The following USP43 variants were observed in gnomAD, a reference collection of about 807,000 sequenced individuals.
The protein encoded by USP43 is ubiquitin specific peptidase 43.
Under a neutral mutation model 90.7 loss-of-function variants are expected in USP43, and 33 were observed. The ratio of observed to expected loss-of-function variants is 0.36; its 90% confidence interval spans 0.28 to 0.49. USP43 has a LOEUF of 0.49. USP43 is among the 20% of genes least tolerant of loss of function. The probability of loss-of-function intolerance (pLI) is 0.98; values close to 1 mark genes in which losing one functional copy is unlikely to be tolerated. For missense variants in USP43, 1,274 were observed against 1,476.4 expected (o/e 0.86, Z 2.25); for synonymous variants, 598 against 615.8 (o/e 0.97, Z 0.43).
chr17:9,675,792 A>T (rs1453654283), intron 4 of USP43, among the ~76,000 whole-genome samples: 1 of 152,192 alleles, frequency 6.6e-6, no homozygotes, highest in Non-Finnish European at 1.5e-5. Context: ...CTACTGGCTT[A>T]TGCTATAACA....
At chr17:9,667,092 G>T (rs2151968382) in intron 3 of USP43, among the ~76,000 whole-genome samples, 1 of 152,304 alleles carries the variant, frequency 6.6e-6, no homozygotes, top group South Asian at 2.1e-4. Context: ...TCTCTCTCCA[G>T]AGAGCCCAAC....
At chr17:9,673,125 T>C (rs1224641422) in intron 3 of USP43, among the ~76,000 whole-genome samples, 3 of 152,210 alleles carry the variant, frequency 2.0e-5, no homozygotes, top group African/African-American at 4.8e-5. Flanking sequence ...ATTAGTAACA[T>C]AGCATGCAGA....
At chr17:9,678,197 G>T (rs1913914394) in intron 5 of USP43, among the ~76,000 whole-genome samples, 2 of 152,142 alleles carry the variant, frequency 1.3e-5, no homozygotes, top group South Asian at 2.1e-4. Flanking sequence ...TGATGTGTTG[G>T]TTCAGGGAGA....
At chr17:9,649,345 G>C (rs1212118807) in intron 1 of USP43, among the ~76,000 whole-genome samples, 1 of 152,068 alleles carries the variant, frequency 6.6e-6, no homozygotes, top group African/African-American at 2.4e-5. Flanking sequence ...GTATTACCTA[G>C]AATTCTTTTC....
chr17:9,689,016 C>A (rs7217247), intron 8 of USP43, among the ~76,000 whole-genome samples: 6,390 of 152,120 alleles, frequency 0.042, 421 homozygotes, highest in African/African-American at 0.14. Context: ...ATGGATCAAG[C>A]AATCAATGGG....
chr17:9,657,831 T>C (rs1004905451), intron 2 of USP43, among the ~76,000 whole-genome samples: 1 of 152,160 alleles, frequency 6.6e-6, no homozygotes, highest in Non-Finnish European at 1.5e-5. Context: ...TGAGATGAGA[T>C]TTGGGTGGGG....
intron 3 of USP43, among the ~76,000 whole-genome samples, chr17:9,667,121 C>T (rs1426909253): frequency 1.3e-5 from 2 of 152,106 alleles, no homozygotes; most frequent in Non-Finnish European, 2.9e-5. Context: ...TCATTCTGAG[C>T]TCAAGAGTTC....
chr17:9,712,834 A>G (rs887212114), intron 14 of USP43, among the ~76,000 whole-genome samples: 6 of 152,124 alleles, frequency 3.9e-5, no homozygotes, highest in African/African-American at 1.4e-4. Flanking sequence ...TGCTTTAATC[A>G]TTGTTTTTAA....
At chr17:9,666,258 G>A (rs972983641) in intron 2 of USP43, among the ~76,000 whole-genome samples, 3 of 152,192 alleles carry the variant, frequency 2.0e-5, no homozygotes, top group African/African-American at 4.8e-5. Flanking sequence ...GAGAGATTTG[G>A]TGTGGATGCG....
chr17:9,701,271 G>A lies in USP43; in HGVS notation c.1662+26G>A, dbSNP rs769281135. Reference sequence around the variant, plus strand: ...GTCCCGCCCTGGGGGTCCATGCCCCGGCCGGGAAGGGGGCTGGCTGCCTTT... The same window carrying A: ...GTCCCGCCCTGGGGGTCCATGCCCCAGCCGGGAAGGGGGCTGGCTGCCTTT... On this transcript the variant is annotated intron_variant, in intron 11 of 14. Coordinates refer to ENST00000285199, the MANE Select transcript of USP43 (RefSeq NM_153210.5). The surrounding 1 kb of genome is among the most constrained non-coding windows in gnomAD (Gnocchi z 7.2). The A allele has an allele frequency of 7.5e-6, 12 of 1,600,366 alleles. No homozygotes were observed. Among genetic ancestry groups the A allele is most frequent in the East Asian group, 6.7e-5 (3 of 44,548 alleles).
At position 9,701,767 on chromosome 17, in the gene USP43, GTGTT is replaced by G; in HGVS notation, c.2011+68_2011+71del. The G allele has an allele frequency of 5.1e-6, 7 of 1,374,314 alleles. No homozygotes were observed. Among genetic ancestry groups the G allele is most frequent in the Non-Finnish European group, 6.8e-6 (7 of 1,025,986 alleles). The allele number at this position is 1,374,314 out of a possible 1,614,324, so 85.1% of individuals were successfully genotyped here. The stretch of plus-strand genomic sequence containing the variant: ...CAGCCTCGAGATGTCCCTGGAATGG[GTGTT>G]GCTCAGATGCTGAGCTCCCTGGGGC... On this transcript the variant is annotated intron_variant, in intron 12 of 14. Coordinates refer to ENST00000285199, the MANE Select transcript of USP43 (RefSeq NM_153210.5). This position sits in a 1 kb window ranked among gnomAD's most constrained non-coding sequence, Gnocchi z 7.2.
At chr17:9,697,648 T>A (rs948650805) in intron 9 of USP43, among the ~76,000 whole-genome samples, 15 of 151,130 alleles carry the variant, frequency 9.9e-5, no homozygotes, top group Non-Finnish European at 2.1e-4. Context: ...TCCATGTTGC[T>A]GCAAAGAAAC....
intron 8 of USP43, among the ~76,000 whole-genome samples, chr17:9,690,834 G>T (rs372007349): frequency 6.6e-6 from 1 of 152,060 alleles, no homozygotes. Flanking sequence ...GTAGTGAGCC[G>T]AGATCGCACC....
intron 2 of USP43, among the ~76,000 whole-genome samples, chr17:9,666,023 T>C (rs1913014271): frequency 6.6e-6 from 1 of 152,260 alleles, no homozygotes; most frequent in African/African-American, 2.4e-5. Context: ...GAGTAAGCTA[T>C]TGTTTACAGC....
At chr17:9,713,390 A>T (rs1342167824) in intron 14 of USP43, among the ~76,000 whole-genome samples, 2 of 151,978 alleles carry the variant, frequency 1.3e-5, no homozygotes, top group African/African-American at 4.8e-5. Context: ...CACCTGGCCT[A>T]TTTGTACCTA....
chr17:9,675,440 A>G (rs534830401), intron 4 of USP43, among the ~76,000 whole-genome samples: 26 of 152,298 alleles, frequency 1.7e-4, no homozygotes, highest in Non-Finnish European at 1.9e-4. Context: ...AAAAAAAAAG[A>G]AAAGTGGAGG....
rs112953315 is a variant in USP43, at chr17:9,653,244, C to T, written c.505-3159C>T. Among the ~76,000 whole-genome samples the T allele has an allele frequency of 9.9e-4, 150 of 152,262 alleles. 1 individual carries two copies. The highest frequency in any genetic ancestry group is 3.5e-3 in the African/African-American group (144 of 41,542). On this transcript the variant is annotated intron_variant, in intron 1 of 14. Transcript: ENST00000285199. ...ATGAAGAGTGTCAGGCTTAAAAGAT[C>T]ATCATGATTAACTGGAGAGGAATGG...
In USP43 at chr17:9,701,272, G is replaced by A; in HGVS notation, c.1662+27G>A. Reference sequence around the variant, plus strand: ...TCCCGCCCTGGGGGTCCATGCCCCGGCCGGGAAGGGGGCTGGCTGCCTTTG... The same window carrying A: ...TCCCGCCCTGGGGGTCCATGCCCCGACCGGGAAGGGGGCTGGCTGCCTTTG... On this transcript the variant is annotated intron_variant, in intron 11 of 14. Transcript: ENST00000285199. The surrounding 1 kb of genome is among the most constrained non-coding windows in gnomAD (Gnocchi z 7.2). 6.2e-7 allele frequency: 1 copy of A among 1,600,836 alleles called. No homozygotes were observed. The highest frequency in any genetic ancestry group is 1.1e-5 in the South Asian group (1 of 88,774).
chr17:9,657,752 T>C (rs193262395), intron 2 of USP43, among the ~76,000 whole-genome samples: 441 of 152,180 alleles, frequency 2.9e-3, no homozygotes, highest in African/African-American at 0.01. Flanking sequence ...TGGGGGAAAC[T>C]TCCTCCATGA....
Sources: gnomAD v4.1 joint callset for allele counts (sites outside exome capture counted in the v4.1 genomes callset) on GRCh38, gnomAD v4.1.1 for gene constraint, Gnocchi (gnomAD v3.1) non-coding constraint, MANE v1.5 for transcripts, NCBI Gene and HGNC (gene_info 2026-07-23, HGNC 2026-07-21) for gene names.